MARS1: variants seen among roughly 807,000 people sequenced by gnomAD.
MARS1 encodes methionyl-tRNA synthetase 1, also known as methionine--tRNA ligase, cytoplasmic.
Under a neutral mutation model 119.5 loss-of-function variants are expected in MARS1, and 80 were observed. The observed-to-expected ratio is 0.67, with a 90% CI of 0.56 to 0.81. The LOEUF (loss-of-function observed/expected upper bound fraction) is 0.81. MARS1 is among the 30% of genes least tolerant of loss of function. The probability of loss-of-function intolerance (pLI) is 0.00; values close to 1 mark genes in which losing one functional copy is unlikely to be tolerated. For synonymous variants in MARS1, 418 were observed against 433.4 expected (o/e 0.96, Z 0.44); for missense variants, 945 against 1,116.5 (o/e 0.85, Z 2.19).
Position 57,498,726 on chromosome 12 carries a change from T to C in MARS1, c.1091+103T>C, listed in dbSNP as rs192061776. The C allele has an allele frequency of 3.5e-5, 37 of 1,054,442 alleles. No individual in the cohort carries two copies. In the East Asian group the frequency reaches 8.6e-4, roughly 24 times the overall value. The allele number at this position is 1,054,442 out of a possible 1,614,324, so 65.3% of individuals were successfully genotyped here. A position where few individuals can be genotyped will look rare whatever the true frequency, so the allele number is the denominator to read the frequency against. On this transcript the variant is annotated intron_variant, in intron 9 of 20. Transcript: ENST00000262027. ...GGAACCCGGGTGGCTGTCTGGGCAC[T>C]CCTAAACTTAGGATCTCAATATCAC...
Position 57,489,643 on chromosome 12 carries a change from C to T in MARS1, c.414+85C>T. 8 of 1,536,648 alleles carry T rather than the reference C, an allele frequency of 5.2e-6. No individual in the cohort carries two copies. The South Asian group carries it at 9.1e-5, about 18-fold the overall frequency. On this transcript the variant is annotated intron_variant, in intron 4 of 20. Coordinates refer to ENST00000262027, the MANE Select transcript of MARS1 (RefSeq NM_004990.4). ...AGACTGTATTCAGAGTGTTCGAACC[C>T]AACACTGCCACTTACTAGTAGTGTA...
rs973178859 is a variant in MARS1, at chr12:57,489,452, T to C, written c.308T>C (p.Leu103Ser). The C allele has an allele frequency of 8.1e-6, 13 of 1,614,020 alleles. No individual in the cohort carries two copies. The highest frequency in any genetic ancestry group is 2.2e-5 in the East Asian group (1 of 44,894). ...QPALSAALYYLVVQGKKGEDV... is the reference protein window; with the variant it reads ...QPALSAALYYSVVQGKKGEDV... The stretch of plus-strand genomic sequence containing the variant: ...GCTTTGTCTGCTGCCCTGTACTATT[T>C]AGTGGTCCAAGGCAAGAAGGGGGAA... The change falls in exon 4 of 21, where the codon TTA becomes TCA. Residue 103 changes from leucine to serine, a missense_variant. Coordinates refer to ENST00000262027, the MANE Select transcript of MARS1 (RefSeq NM_004990.4).
chr12:57,508,219 G>T (rs1877320704), intron 11 of MARS1, among the ~76,000 whole-genome samples: 2 of 152,216 alleles, frequency 1.3e-5, no homozygotes, highest in South Asian at 4.1e-4. Context: ...CCAGACGATG[G>T]GTGGCCAGGC....
intron 9 of MARS1, among the ~76,000 whole-genome samples, chr12:57,499,885 C>T (rs1032760967): frequency 2.0e-5 from 3 of 152,026 alleles, no homozygotes; most frequent in African/African-American, 4.8e-5. Flanking sequence ...GGCGACAGAG[C>T]GAGACTCTGT....
intron 7 of MARS1, among the ~76,000 whole-genome samples, chr12:57,493,299 TATATA>T (rs1217645087): frequency 9.0e-6 from 1 of 110,638 alleles, no homozygotes; most frequent in Non-Finnish European, 1.7e-5. Context: ...TGAGTATATA[TATATA>T]ATATATATTA....
chr12:57,509,392 T>G (rs1247990565), intron 11 of MARS1, among the ~76,000 whole-genome samples: 1 of 152,078 alleles, frequency 6.6e-6, no homozygotes, highest in Non-Finnish European at 1.5e-5. Context: ...CAAAGAGAGT[T>G]GGTATTTGTT....
intron 9 of MARS1, among the ~76,000 whole-genome samples, chr12:57,499,626 C>T (rs1210107822): frequency 1.4e-5 from 2 of 147,298 alleles, no homozygotes; most frequent in African/African-American, 2.5e-5. Flanking sequence ...AAGGGCTGGG[C>T]GCAGTGGCTC....
At chr12:57,515,086 G>A (rs1367618768) in intron 17 of MARS1, 28 bp downstream of exon 17, 25 of 1,613,922 alleles carry the variant, frequency 1.5e-5, no homozygotes, top group Non-Finnish European at 2.0e-5. Context: ...GTTGGCTAAA[G>A]GCATAAAGTG....
intron 10 of MARS1, 59 bp from the exon 11 acceptor site, chr12:57,504,166 G>A: frequency 1.7e-6 from 2 of 1,204,850 alleles, no homozygotes; most frequent in South Asian, 1.2e-5. Flanking sequence ...TCCTCCCCTT[G>A]CCTGGACCCC....
chr12:57,491,523 TCTC>T (rs1875959346), intron 7 of MARS1, among the ~76,000 whole-genome samples: 2 of 152,118 alleles, frequency 1.3e-5, no homozygotes, highest in East Asian at 1.9e-4. Flanking sequence ...ATCCACCCCT[TCTC>T]CTCTCTGTTG....
chr12:57,498,759 A>T, intron 9 of MARS1, 136 bp downstream of exon 9: 1 of 778,156 alleles, frequency 1.3e-6, no homozygotes. Flanking sequence ...CACCCTGGGC[A>T]GTTATCCAGG....
At position 57,496,507 on chromosome 12, in the gene MARS1, C is replaced by T. The variant is rs367680372; in HGVS notation, c.771-1650C>T. On this transcript the variant is annotated intron_variant, in intron 7 of 20. Transcript: ENST00000262027. ...GCTCATATAGAATAGGAAGTACTGC[C>T]GTGGCTCATGCCTGAAATCCCAGCA... Among the ~76,000 whole-genome samples, 14 of 151,254 alleles carry T rather than the reference C, an allele frequency of 9.3e-5. No homozygotes were observed. In the East Asian group the frequency reaches 1.4e-3, roughly 15 times the overall value.
At chr12:57,498,663 C>G in intron 9 of MARS1, 40 bp downstream of exon 9, 2 of 1,585,244 alleles carry the variant, frequency 1.3e-6, no homozygotes, top group Non-Finnish European at 1.7e-6. Flanking sequence ...GGCTTGAAGG[C>G]TGAGACTGGG....
At chr12:57,502,542 C>T (rs1296813743) in intron 10 of MARS1, among the ~76,000 whole-genome samples, 1 of 151,644 alleles carries the variant, frequency 6.6e-6, no homozygotes, top group Non-Finnish European at 1.5e-5. Flanking sequence ...CCCGCCTCTA[C>T]TAAAAATACA....
At chr12:57,509,550 G>C (rs1877407983) in intron 11 of MARS1, among the ~76,000 whole-genome samples, 2 of 151,706 alleles carry the variant, frequency 1.3e-5, no homozygotes, top group South Asian at 4.3e-4. Context: ...GGGATTACAG[G>C]CACCTGCCAC....
In MARS1 at chr12:57,488,103, G is replaced by A. The variant is rs587777227; in HGVS notation, c.13G>A (p.Val5Met). The change falls in exon 1 of 21, where the codon GTG (valine) becomes ATG (methionine). Residue 5 changes from valine to methionine, a missense_variant. By Grantham distance (21) the Val-to-Met change is conservative (BLOSUM62 1). Coordinates refer to ENST00000262027, the MANE Select transcript of MARS1 (RefSeq NM_004990.4). ...GATTCACGGCGAAATGAGACTGTTC[G>A]TGAGTGATGGCGTCCCGGGTTGCTT... MRLF[V>M]SDGVPGCLPV... The A allele has an allele frequency of 3.7e-6, 6 of 1,614,166 alleles. No individual in the cohort carries two copies. Among genetic ancestry groups the A allele is most frequent in the Middle Eastern group, 3.3e-4 (2 of 6,058 alleles).
intron 11 of MARS1, among the ~76,000 whole-genome samples, chr12:57,508,549 C>CTG (rs1293468646): frequency 6.6e-6 from 1 of 152,254 alleles, no homozygotes; most frequent in African/African-American, 2.4e-5. Context: ...CAATCGCAGG[C>CTG]ACTCGGCAGG....
chr12:57,494,328 C>CTTTTTTTTTTTTT (rs71448526), intron 7 of MARS1, among the ~76,000 whole-genome samples: 1 of 121,228 alleles, frequency 8.2e-6, no homozygotes, highest in Non-Finnish European at 1.7e-5. Context: ...TCTTTTTTTT[C>CTTTTTTTTTTTTT]TTTTTTTTTT....
intron 10 of MARS1, among the ~76,000 whole-genome samples, chr12:57,501,420 C>T (rs1338822174): frequency 1.3e-5 from 2 of 152,224 alleles, no homozygotes; most frequent in African/African-American, 4.8e-5. Flanking sequence ...ATTGGTGGCT[C>T]ATACCTATAA....
Sources: allele counts gnomAD v4.1 joint callset (sites outside exome capture counted in the v4.1 genomes callset), GRCh38; gene constraint gnomAD v4.1.1; transcripts MANE v1.5; gene names NCBI Gene and HGNC (gene_info 2026-07-23, HGNC 2026-07-21).